Variants in CGNL1 observed in about 807,000 individuals in gnomAD.
CGNL1 encodes cingulin-like protein 1.
In CGNL1, 132 loss-of-function variants were observed where a neutral mutation model predicts 141.2. The ratio of observed to expected loss-of-function variants is 0.93; its 90% CI spans 0.81 to 1.08. The LOEUF is 1.08. Among genes scored for constraint, CGNL1 ranks in the 50% least tolerant of loss-of-function variants. CGNL1 has a pLI of 0.00. For missense variants in CGNL1, 1,870 were observed against 1,588.6 expected (o/e 1.18, Z -3.01); for synonymous variants, 690 against 622.1 (o/e 1.11, Z -1.63).
chr15:57,392,196 A>G (rs1390732192), intron 1 of CGNL1, among the ~76,000 whole-genome samples: 2 of 152,168 alleles, frequency 1.3e-5, no homozygotes, highest in African/African-American at 4.8e-5. Context: ...TACCTTTATA[A>G]TACAAAAGAA....
chr15:57,453,019 A>G (rs2063339584), intron 6 of CGNL1, among the ~76,000 whole-genome samples: 1 of 152,196 alleles, frequency 6.6e-6, no homozygotes, highest in Non-Finnish European at 1.5e-5. Flanking sequence ...AGTAAGAAAA[A>G]AATCAGAAAA....
At chr15:57,429,347 C>T (rs1391258367) in intron 1 of CGNL1, among the ~76,000 whole-genome samples, 1 of 152,146 alleles carries the variant, frequency 6.6e-6, no homozygotes, top group Non-Finnish European at 1.5e-5. Context: ...ATGGCAAGTG[C>T]ATTTTATTTT....
chr15:57,400,186 A>T (rs1332066762), intron 1 of CGNL1, among the ~76,000 whole-genome samples: 2 of 151,842 alleles, frequency 1.3e-5, no homozygotes, highest in African/African-American at 2.4e-5. Flanking sequence ...GTTTGTAGAG[A>T]TGGGGGTCTT....
chr15:57,390,024 C>T (rs148260415), intron 1 of CGNL1, among the ~76,000 whole-genome samples: 79 of 152,316 alleles, frequency 5.2e-4, no homozygotes, highest in African/African-American at 1.8e-3. Context: ...CCATGTTGGC[C>T]GGGCTGGTCT....
At chr15:57,434,612 T>TA (rs1331513558) in intron 1 of CGNL1, among the ~76,000 whole-genome samples, 1 of 152,076 alleles carries the variant, frequency 6.6e-6, no homozygotes, top group African/African-American at 2.4e-5. Context: ...ATACCAGTGA[T>TA]AAAAGGTCCT....
intron 1 of CGNL1, among the ~76,000 whole-genome samples, chr15:57,383,847 C>G (rs1250155710): frequency 6.6e-6 from 1 of 151,816 alleles, no homozygotes; most frequent in African/African-American, 2.4e-5. Flanking sequence ...CCATGTTGCC[C>G]AGGCAGGTCT....
At chr15:57,473,001 G>A (rs1026186357) in intron 8 of CGNL1, among the ~76,000 whole-genome samples, 1 of 152,144 alleles carries the variant, frequency 6.6e-6, no homozygotes, top group Non-Finnish European at 1.5e-5. Context: ...GCCATCCATG[G>A]ACACTGCCCA....
chr15:57,499,830 A>T (rs1440789918), intron 8 of CGNL1, among the ~76,000 whole-genome samples: 1 of 152,236 alleles, frequency 6.6e-6, no homozygotes, highest in African/African-American at 2.4e-5. Context: ...AATGTGTTTG[A>T]CACAGGGTTT....
chr15:57,382,287 A>G (rs2062433270), intron 1 of CGNL1, among the ~76,000 whole-genome samples: 1 of 152,232 alleles, frequency 6.6e-6, no homozygotes, highest in South Asian at 2.1e-4. Context: ...CTAGCTGAAT[A>G]TTTCAACCCG....
At chr15:57,421,595 A>C (rs1191996456) in intron 1 of CGNL1, among the ~76,000 whole-genome samples, 1 of 152,076 alleles carries the variant, frequency 6.6e-6, no homozygotes, top group African/African-American at 2.4e-5. Context: ...CAGTATAATC[A>C]CCTAACTGAA....
Position 57,438,544 on chromosome 15 carries a change from G to T in CGNL1, c.545G>T (p.Gly182Val). 5.6e-6 allele frequency: 9 copies of T among 1,613,824 alleles called. No individual in the cohort carries two copies. Among genetic ancestry groups the T allele is most frequent in the Non-Finnish European group, 6.8e-6 (8 of 1,180,024 alleles). The change falls in exon 2 of 19, where the codon GGC (glycine) becomes GTC (valine). Residue 182 changes from glycine to valine, a missense_variant. Physicochemically the swap from Gly to Val is moderately radical, Grantham distance 109. Transcript: ENST00000281282. ...SNWLKTLTEEGINNKKPWTCF... is the reference protein window; with the variant it reads ...SNWLKTLTEEVINNKKPWTCF... ...TGGCTAAAAACGTTGACAGAAGAAGGCATCAACAATAAGAAGCCTTGGACT... is the reference window on the plus strand; with the variant it reads ...TGGCTAAAAACGTTGACAGAAGAAGTCATCAACAATAAGAAGCCTTGGACT...
chr15:57,545,727 CT>C, intron 17 of CGNL1, 27 bp downstream of exon 17: 1 of 1,572,120 alleles, frequency 6.4e-7, no homozygotes. Context: ...TGCATTTGCT[CT>C]TAGATGAGAT....
chr15:57,544,621 G>A (rs1237000504), intron 16 of CGNL1, 24 bp downstream of exon 16: 4 of 1,560,208 alleles, frequency 2.6e-6, no homozygotes, highest in East Asian at 2.4e-5. Flanking sequence ...ACCCACTGCA[G>A]TGCGGAGGCC....
chr15:57,407,766 G>C (rs76795782), intron 1 of CGNL1, among the ~76,000 whole-genome samples: 1 of 93,112 alleles, frequency 1.1e-5, no homozygotes, highest in Non-Finnish European at 2.2e-5. Context: ...TTTTTTTTTT[G>C]AGGCAGAGTT....
chr15:57,488,470 G>T (rs2063814331), intron 8 of CGNL1, among the ~76,000 whole-genome samples: 1 of 152,142 alleles, frequency 6.6e-6, no homozygotes, highest in South Asian at 2.1e-4. Context: ...CCTCATCCAA[G>T]GTCATGAAGA....
intron 8 of CGNL1, among the ~76,000 whole-genome samples, chr15:57,497,801 G>C (rs1034978978): frequency 1.3e-5 from 2 of 152,224 alleles, no homozygotes; most frequent in Admixed American, 6.5e-5. Flanking sequence ...ATGCACACAC[G>C]GGCGGCGGCC....
intron 12 of CGNL1, chr15:57,527,445 A>C (rs1259866344): frequency 6.6e-6 from 1 of 152,240 alleles, no homozygotes; most frequent in Non-Finnish European, 1.5e-5. Flanking sequence ...GTATTATTCT[A>C]TTCATGAGAC....
chr15:57,452,055 G>A, intron 5 of CGNL1, 86 bp from the exon 6 acceptor site: 1 of 1,183,968 alleles, frequency 8.4e-7, no homozygotes, highest in Non-Finnish European at 1.2e-6. Flanking sequence ...GCAAAGATAT[G>A]GAGTCTGCTT....
chr15:57,396,839 A>T (rs1352951361), intron 1 of CGNL1: 2 of 152,182 alleles, frequency 1.3e-5, no homozygotes, highest in Non-Finnish European at 2.9e-5. Flanking sequence ...GGTAAGAACA[A>T]TTTTAACAAT....
Sources: gnomAD v4.1 joint callset for allele counts (sites outside exome capture counted in the v4.1 genomes callset) on GRCh38, gnomAD v4.1.1 for gene constraint, MANE v1.5 for transcripts, NCBI Gene and HGNC (gene_info 2026-07-23, HGNC 2026-07-21) for gene names.